ELOVL7: variants seen among roughly 807,000 people sequenced by gnomAD.
ELOVL7 encodes the protein very long chain fatty acid elongase 7.
A neutral mutation model predicts 35.7 loss-of-function variants in ELOVL7; 27 were observed. That is an observed-to-expected ratio of 0.76 (90% CI 0.56 to 1.04). The LOEUF (loss-of-function observed/expected upper bound fraction) is 1.04, where lower values mean the gene tolerates loss of function less well. Ranked by LOEUF, ELOVL7 falls within the 50% of genes least tolerant of loss-of-function variation. ELOVL7 has a pLI of 0.00. For missense variants in ELOVL7, 327 were observed against 340.8 expected (o/e 0.96, Z 0.32); for synonymous variants, 113 against 114.6 (o/e 0.99, Z 0.09).
chr5:60,806,824 T>G (rs1003034078), intron 1 of ELOVL7, among the ~76,000 whole-genome samples: 1 of 151,964 alleles, frequency 6.6e-6, no homozygotes, highest in African/African-American at 2.4e-5. Flanking sequence ...GGGACAAACA[T>G]AAAGAAGCAA....
chr5:60,761,462 C>A (rs900137003), intron 7 of ELOVL7, among the ~76,000 whole-genome samples: 2 of 151,980 alleles, frequency 1.3e-5, no homozygotes, highest in African/African-American at 4.8e-5. Flanking sequence ...GACCTCAGCG[C>A]CAAACAACAT....
At chr5:60,806,004 T>A (rs1561456587) in intron 1 of ELOVL7, among the ~76,000 whole-genome samples, 1 of 152,216 alleles carries the variant, frequency 6.6e-6, no homozygotes, top group East Asian at 1.9e-4. Flanking sequence ...GGATGTGACC[T>A]TATTTGGAGA....
rs189351625 is a variant in ELOVL7 at position 60,766,720 on chromosome 5, A to G, written c.337-90T>C. 1,968 of 1,088,354 alleles carry G rather than the reference A, an allele frequency of 1.8e-3. 9 individuals carry two copies. Among genetic ancestry groups the G allele is most frequent in the Non-Finnish European group, 1.4e-3 (1,035 of 736,378 alleles). 67.4% of individuals were successfully genotyped at this position (1,088,354 alleles called of 1,614,324 possible). On this transcript the variant is annotated intron_variant, in intron 5 of 8. Coordinates refer to ENST00000508821, the MANE Select transcript of ELOVL7 (RefSeq NM_024930.3). The stretch of plus-strand genomic sequence containing the variant: ...TTTGGTAAAATATGCATACCATAAA[A>G]TCTGTCATGTCAACCATTTCTTAGT...
chr5:60,810,626 G>A (rs1421848848), intron 1 of ELOVL7, among the ~76,000 whole-genome samples: 7 of 152,300 alleles, frequency 4.6e-5, no homozygotes, highest in East Asian at 1.9e-4. Flanking sequence ...AGGACAGGCA[G>A]GTCAGTTTTT....
In ELOVL7 at chr5:60,787,429, G is replaced by A. The variant is rs764554489; in HGVS notation, c.-32C>T. ...CAGGATTTACTGGCTCTTTTAATGG[G>A]TTCTTCAGTAAAATAAAACAGAAAT... On this transcript the variant is annotated splice_region_variant and 5_prime_UTR_variant, in exon 3 of 9. Coordinates refer to ENST00000508821, the MANE Select transcript of ELOVL7 (RefSeq NM_024930.3). The A allele has an allele frequency of 8.1e-5, 122 of 1,503,226 alleles. No homozygotes were observed. The South Asian group carries it at 1.4e-3, about 17-fold the overall frequency. The allele number at this position is 1,503,226 out of a possible 1,614,324, so 93.1% of individuals were successfully genotyped here. A position where few individuals can be genotyped will look rare whatever the true frequency, so the allele number is the denominator to read the frequency against.
chr5:60,829,211 A>C (rs895023532), intron 1 of ELOVL7, among the ~76,000 whole-genome samples: 1 of 152,140 alleles, frequency 6.6e-6, no homozygotes, highest in African/African-American at 2.4e-5. Context: ...TCCTCATCTA[A>C]ATATTTCCCA....
At chr5:60,793,769 C>T (rs1744081521) in intron 2 of ELOVL7, among the ~76,000 whole-genome samples, 1 of 151,936 alleles carries the variant, frequency 6.6e-6, no homozygotes, top group African/African-American at 2.4e-5. Flanking sequence ...AGTCCTGGGG[C>T]CCATGATGGT....
chr5:60,839,685 G>A (rs544245419), intron 1 of ELOVL7, among the ~76,000 whole-genome samples: 63 of 152,240 alleles, frequency 4.1e-4, no homozygotes, highest in Non-Finnish European at 5.7e-4. Context: ...CCATGGCTCC[G>A]GAATTCCGTG....
chr5:60,817,217 TATAAAGGCTTTCAACAA>T (rs1213720094), intron 1 of ELOVL7, among the ~76,000 whole-genome samples: 1 of 149,784 alleles, frequency 6.7e-6, no homozygotes, highest in Non-Finnish European at 1.5e-5. Flanking sequence ...TTCTCTAATA[TATAAAGGCTTTCAACAA>T]ATTAAAAAAA....
At chr5:60,774,148 T>A (rs1239843688) in intron 3 of ELOVL7, among the ~76,000 whole-genome samples, 2 of 152,052 alleles carry the variant, frequency 1.3e-5, no homozygotes, top group Non-Finnish European at 2.9e-5. Context: ...ACCAGTATCA[T>A]CCTGACACCA....
chr5:60,755,353 C>T lies in ELOVL7; in HGVS notation c.637-520G>A, dbSNP rs902560348. The stretch of plus-strand genomic sequence containing the variant: ...CCTTATACCTGCCACTTGTCCTCCA[C>T]TGTCACAGATAAAAATGTGTCTAGG... On this transcript the variant is annotated intron_variant, in intron 8 of 8. Coordinates refer to ENST00000508821, the MANE Select transcript of ELOVL7 (RefSeq NM_024930.3). Among the ~76,000 whole-genome samples the T allele has an allele frequency of 5.9e-5, 9 of 152,270 alleles. No individual in the cohort carries two copies. In the East Asian group the frequency reaches 7.7e-4, roughly 13 times the overall value.
intron 2 of ELOVL7, among the ~76,000 whole-genome samples, chr5:60,789,678 T>C (rs912986828): frequency 1.6e-4 from 24 of 152,244 alleles, no homozygotes; most frequent in Middle Eastern, 3.4e-3. Context: ...ATTCATTGCA[T>C]CAGTAAGAGC....
chr5:60,780,425 T>C (rs895764263), intron 3 of ELOVL7, among the ~76,000 whole-genome samples: 2 of 152,040 alleles, frequency 1.3e-5, no homozygotes, highest in Non-Finnish European at 2.9e-5. Context: ...CGGCCAAACT[T>C]TCCCATATTT....
At chr5:60,769,929 T>C (rs953444707) in intron 4 of ELOVL7, among the ~76,000 whole-genome samples, 1 of 152,030 alleles carries the variant, frequency 6.6e-6, no homozygotes, top group African/African-American at 2.4e-5. Flanking sequence ...CGCATGCCTG[T>C]AGTCTCAGCT....
chr5:60,757,435 GT>G (rs1741608642), intron 8 of ELOVL7, 73 bp downstream of exon 8: 46 of 1,445,622 alleles, frequency 3.2e-5, no homozygotes, highest in Non-Finnish European at 4.4e-5. Flanking sequence ...TATTTAACCA[GT>G]ATCCTAATTC....
chr5:60,814,407 T>G (rs980363278), intron 1 of ELOVL7, among the ~76,000 whole-genome samples: 4 of 152,142 alleles, frequency 2.6e-5, no homozygotes, highest in Non-Finnish European at 5.9e-5. Flanking sequence ...CAAAGGGATC[T>G]GACCCAGCAT....
At chr5:60,824,380 A>G (rs974256036) in intron 1 of ELOVL7, among the ~76,000 whole-genome samples, 7 of 152,208 alleles carry the variant, frequency 4.6e-5, no homozygotes, top group Non-Finnish European at 7.3e-5. Flanking sequence ...AACGATGGAG[A>G]AACGTCAAAG....
intron 2 of ELOVL7, among the ~76,000 whole-genome samples, chr5:60,790,977 TG>T (rs1380474648): frequency 6.6e-6 from 1 of 152,190 alleles, no homozygotes; most frequent in Non-Finnish European, 1.5e-5. Context: ...TCTGCTTTTT[TG>T]GTTTGGTTTT....
At chr5:60,786,729 G>A (rs1001072182) in intron 3 of ELOVL7, among the ~76,000 whole-genome samples, 3 of 152,008 alleles carry the variant, frequency 2.0e-5, no homozygotes, top group East Asian at 1.9e-4. Flanking sequence ...GGCGGATCAC[G>A]AGGTCAGGAG....
Sources: gnomAD v4.1 joint callset for allele counts (sites outside exome capture counted in the v4.1 genomes callset) on GRCh38, gnomAD v4.1.1 for gene constraint, MANE v1.5 for transcripts, NCBI Gene and HGNC (gene_info 2026-07-23, HGNC 2026-07-21) for gene names.